The following MTUS2 variants were observed in gnomAD, a reference collection of about 807,000 sequenced individuals.
MTUS2 encodes the protein microtubule-associated tumor suppressor candidate 2.
Under a neutral mutation model 114.1 loss-of-function variants are expected in MTUS2, and 40 were observed. The observed-to-expected ratio is 0.35, with a 90% CI of 0.27 to 0.46. The LOEUF (loss-of-function observed/expected upper bound fraction) is 0.46, where lower values mean the gene tolerates loss of function less well. MTUS2 is among the 20% of genes least tolerant of loss of function. The probability of loss-of-function intolerance (pLI) is 1.00; values close to 1 mark genes in which losing one functional copy is unlikely to be tolerated. For missense variants in MTUS2, 1,679 were observed against 1,705.4 expected (o/e 0.98, Z 0.27); for synonymous variants, 688 against 672.0 (o/e 1.02, Z -0.37).
chr13:29,471,894 G>A (rs774453308), intron 9 of MTUS2, among the ~76,000 whole-genome samples: 6 of 152,148 alleles, frequency 3.9e-5, no homozygotes, highest in South Asian at 4.1e-4. Context: ...GGAAGCACTC[G>A]CAGATGCCAC....
intron 2 of MTUS2, among the ~76,000 whole-genome samples, chr13:28,841,152 C>A (rs963203305): frequency 6.6e-6 from 1 of 152,168 alleles, no homozygotes; most frequent in South Asian, 2.1e-4. Context: ...TCATTACTTA[C>A]AAATTTTTGT....
At chr13:29,120,194 A>G (rs1253504529) in intron 5 of MTUS2, among the ~76,000 whole-genome samples, 3 of 152,122 alleles carry the variant, frequency 2.0e-5, no homozygotes, top group African/African-American at 7.2e-5. Flanking sequence ...AAAATCACAA[A>G]TTGATATTAT....
intron 2 of MTUS2, among the ~76,000 whole-genome samples, chr13:28,856,798 TAA>T (rs1186477642): frequency 1.3e-5 from 2 of 152,200 alleles, no homozygotes; most frequent in African/African-American, 4.8e-5. Flanking sequence ...CCCGCCAAAA[TAA>T]AGAGTCCTAT....
At chr13:29,490,069 G>T (rs150483443) in intron 11 of MTUS2, 1 of 152,302 alleles carries the variant, frequency 6.6e-6, no homozygotes, top group African/African-American at 2.4e-5. Context: ...GGCCATGTGC[G>T]TGTAGGTAAT....
intron 2 of MTUS2, among the ~76,000 whole-genome samples, chr13:28,959,041 G>A (rs1451690013): frequency 2.6e-5 from 4 of 152,182 alleles, no homozygotes; most frequent in Non-Finnish European, 5.9e-5. Context: ...GAACACAGTG[G>A]TGGGGGTCCC....
At chr13:28,874,302 T>C (rs922960279) in intron 2 of MTUS2, among the ~76,000 whole-genome samples, 4 of 152,214 alleles carry the variant, frequency 2.6e-5, no homozygotes, top group African/African-American at 9.6e-5. Flanking sequence ...GCCCCGCCAC[T>C]TAATTTCATT....
chr13:29,303,495 A>G (rs574077731), intron 6 of MTUS2, among the ~76,000 whole-genome samples: 23 of 152,310 alleles, frequency 1.5e-4, no homozygotes, highest in African/African-American at 4.8e-4. Context: ...CAAATTCACA[A>G]TGTAATCACA....
At chr13:29,358,082 T>C (rs1251481784) in intron 7 of MTUS2, among the ~76,000 whole-genome samples, 1 of 152,178 alleles carries the variant, frequency 6.6e-6, no homozygotes, top group Admixed American at 6.5e-5. Context: ...TTAGTGGATT[T>C]ATGATTGTGC....
intron 5 of MTUS2, among the ~76,000 whole-genome samples, chr13:29,259,253 G>A (rs1033931077): frequency 2.6e-5 from 4 of 152,198 alleles, no homozygotes; most frequent in Admixed American, 6.5e-5. Flanking sequence ...CAGGGTGACT[G>A]AAGTGTTTGC....
At chr13:29,434,235 C>T (rs1877247032) in intron 8 of MTUS2, among the ~76,000 whole-genome samples, 1 of 152,096 alleles carries the variant, frequency 6.6e-6, no homozygotes, top group African/African-American at 2.4e-5. Flanking sequence ...AGAATTCCTG[C>T]AGGGAATTTC....
chr13:29,221,641 T>A (rs1399160605), intron 5 of MTUS2, among the ~76,000 whole-genome samples: 1 of 152,134 alleles, frequency 6.6e-6, no homozygotes, highest in Non-Finnish European at 1.5e-5. Context: ...TAAATTTACT[T>A]ATGGTGCCTT....
At chr13:29,470,633 T>C (rs9551686) in intron 9 of MTUS2, among the ~76,000 whole-genome samples, 26,088 of 152,244 alleles carry the variant, frequency 0.17, 2,891 homozygotes, top group East Asian at 0.5. Flanking sequence ...CATTCGTTCC[T>C]GTTATCCCGT....
At chr13:29,208,783 G>C (rs1163605008) in intron 5 of MTUS2, among the ~76,000 whole-genome samples, 2 of 152,030 alleles carry the variant, frequency 1.3e-5, no homozygotes, top group African/African-American at 4.8e-5. Context: ...ATTCCACTGT[G>C]GTCTGAGAGA....
chr13:29,025,313 A>G lies in MTUS2; in HGVS notation c.615A>G (p.Ala205=). The part of the protein sequence containing the change: ...PQPLSLDSRE[A]RGQIPGGGEG... ...CTCTATCCCTCGACTCCCGGGAAGC[A>G]CGGGGTCAGATACCTGGGGGTGGGG... is the stretch of plus-strand genomic sequence containing the variant. Residue 205 remains alanine, a synonymous_variant, in exon 3 of 16, where the codon GCA becomes GCG. Coordinates refer to ENST00000612955, the MANE Select transcript of MTUS2 (RefSeq NM_001033602.4). The G allele has an allele frequency of 6.2e-7, 1 of 1,613,894 alleles. No homozygotes were observed. The highest frequency in any genetic ancestry group is 2.2e-5 in the East Asian group (1 of 44,874).
intron 7 of MTUS2, among the ~76,000 whole-genome samples, chr13:29,336,032 G>A (rs374779433): frequency 9.8e-4 from 149 of 152,164 alleles, no homozygotes; most frequent in African/African-American, 3.2e-3. Flanking sequence ...TTTCAGCTCC[G>A]TCAGGTCATT....
chr13:29,176,912 G>A (rs1458514166), intron 5 of MTUS2, among the ~76,000 whole-genome samples: 1 of 151,094 alleles, frequency 6.6e-6, no homozygotes, highest in Non-Finnish European at 1.5e-5. Context: ...TTCTGCTATG[G>A]AGTCCCCGGC....
chr13:29,501,042 T>A (rs1882866399), intron 14 of MTUS2, 55 bp from the exon 15 acceptor site: 1 of 1,456,110 alleles, frequency 6.9e-7, no homozygotes, highest in Non-Finnish European at 9.6e-7. Context: ...GGGCACCGGT[T>A]TACTCCCGAT....
intron 8 of MTUS2, among the ~76,000 whole-genome samples, chr13:29,364,319 G>A (rs192040556): frequency 3.3e-4 from 50 of 152,302 alleles, no homozygotes; most frequent in African/African-American, 1.1e-3. Context: ...AAGGAAGAGC[G>A]TATTGGGACG....
chr13:29,110,417 G>A (rs1490609355), intron 5 of MTUS2, among the ~76,000 whole-genome samples: 1 of 152,114 alleles, frequency 6.6e-6, no homozygotes, highest in Non-Finnish European at 1.5e-5. Context: ...AAAGAGAAGA[G>A]TGAGAACAAA....
Sources: allele counts gnomAD v4.1 joint callset (sites outside exome capture counted in the v4.1 genomes callset), GRCh38; gene constraint gnomAD v4.1.1; transcripts MANE v1.5; gene names NCBI Gene and HGNC (gene_info 2026-07-23, HGNC 2026-07-21).